The following ANKS1A variants were observed in gnomAD, a reference collection of about 807,000 sequenced individuals.
ANKS1A encodes the protein ankyrin repeat and sterile alpha motif domain containing 1A.
Under a neutral mutation model 120.3 loss-of-function variants are expected in ANKS1A, and 55 were observed. The ratio of observed to expected loss-of-function variants is 0.46; its 90% CI spans 0.37 to 0.57. The LOEUF (loss-of-function observed/expected upper bound fraction) is 0.57. Ranked by LOEUF, ANKS1A falls within the 20% of genes least tolerant of loss-of-function variation. ANKS1A has a pLI of 0.00. For synonymous variants in ANKS1A, 590 were observed against 604.7 expected (o/e 0.98, Z 0.36); for missense variants, 1,123 against 1,480.3 (o/e 0.76, Z 3.96).
chr6:35,083,753 G>T (rs949757856), intron 20 of ANKS1A, among the ~76,000 whole-genome samples: 1 of 152,112 alleles, frequency 6.6e-6, no homozygotes, highest in Non-Finnish European at 1.5e-5. Context: ...TCCACTGGCC[G>T]CACACCTGCT....
intron 1 of ANKS1A, among the ~76,000 whole-genome samples, chr6:34,917,596 G>A (rs1230415139): frequency 1.3e-5 from 2 of 152,216 alleles, no homozygotes; most frequent in East Asian, 1.9e-4. Context: ...ATGATGTGCT[G>A]TGGGAAAAGA....
intron 3 of ANKS1A, among the ~76,000 whole-genome samples, chr6:34,974,944 C>T (rs1221490021): frequency 6.6e-6 from 1 of 152,108 alleles, no homozygotes; most frequent in Non-Finnish European, 1.5e-5. Flanking sequence ...GGGGAGGAAA[C>T]TTGAAGTGAT....
intron 8 of ANKS1A, among the ~76,000 whole-genome samples, chr6:34,988,908 A>G (rs1445085524): frequency 6.6e-6 from 1 of 152,216 alleles, no homozygotes; most frequent in Admixed American, 6.5e-5. Context: ...AGTTTTATGT[A>G]TCAGTATTAT....
Position 35,081,096 on chromosome 6 carries a change from A to G in ANKS1A, c.2647A>G (p.Arg883Gly). 1.2e-6 allele frequency: 2 copies of G among 1,613,768 alleles called. No individual in the cohort carries two copies. Among genetic ancestry groups the G allele is most frequent in the Non-Finnish European group, 1.7e-6 (2 of 1,179,952 alleles). Residue 883 changes from arginine to glycine, a missense_variant, in exon 17 of 24, where the codon AGG (arginine) becomes GGG (glycine). By Grantham distance (125) the Arg-to-Gly change is moderately radical. Coordinates refer to ENST00000360359, the MANE Select transcript of ANKS1A (RefSeq NM_015245.3). ...GCTGCCTCCAGGGGACACAGGCAGG[A>G]GGCGCCATGACAGTCTCCATGACCC... ...LLLPPGDTGR[R>G]RHDSLHDPAA...
Position 34,894,446 on chromosome 6 carries a change from G to C in ANKS1A, c.197+4847G>C, listed in dbSNP as rs531594980. On this transcript the variant is annotated intron_variant, in intron 1 of 23. Transcript: ENST00000360359. ...GCAGCTGGATCACTTGAGCCCAGGA[G>C]TTTGAAACCAGCCTGGGCAACATGC... 6.6e-5 allele frequency among the ~76,000 whole-genome samples: 10 copies of C among 152,306 alleles called. No homozygotes were observed. The South Asian group carries it at 2.1e-3, about 32-fold the overall frequency.
chr6:35,054,870 C>T (rs1405349390), intron 12 of ANKS1A, among the ~76,000 whole-genome samples: 1 of 152,216 alleles, frequency 6.6e-6, no homozygotes, highest in Non-Finnish European at 1.5e-5. Flanking sequence ...GCAGATCTCA[C>T]ACCTCTCCCC....
At chr6:35,027,059 T>G (rs909741010) in intron 11 of ANKS1A, among the ~76,000 whole-genome samples, 8 of 152,164 alleles carry the variant, frequency 5.3e-5, no homozygotes, top group African/African-American at 1.9e-4. Flanking sequence ...TTCCATAAGC[T>G]CATTGCATAC....
At chr6:35,083,368 C>T in intron 19 of ANKS1A, 49 bp from the exon 20 acceptor site, 2 of 1,603,576 alleles carry the variant, frequency 1.2e-6, no homozygotes, top group Non-Finnish European at 1.7e-6. Context: ...GCCCAGGAGG[C>T]TTAGCCCTGA....
At chr6:34,951,994 T>C (rs1290997777) in intron 1 of ANKS1A, among the ~76,000 whole-genome samples, 2 of 152,044 alleles carry the variant, frequency 1.3e-5, no homozygotes, top group African/African-American at 4.8e-5. Context: ...TGAAAGAATA[T>C]GAGCTGTGGA....
chr6:35,092,462 A>C (rs1778338380), downstream of ANKS1A, among the ~76,000 whole-genome samples: 1 of 152,204 alleles, frequency 6.6e-6, no homozygotes, highest in Non-Finnish European at 1.5e-5. Context: ...AATGGCAGAG[A>C]GCCAAATCCC....
At chr6:35,035,302 G>A (rs1017252461) in intron 11 of ANKS1A, among the ~76,000 whole-genome samples, 15 of 152,190 alleles carry the variant, frequency 9.9e-5, no homozygotes, top group Admixed American at 2.6e-4. Context: ...CTTAAGAGCA[G>A]CCATCTGGTT....
chr6:34,910,011 G>A (rs563464244), intron 1 of ANKS1A, among the ~76,000 whole-genome samples: 18 of 152,276 alleles, frequency 1.2e-4, no homozygotes, highest in African/African-American at 4.1e-4. Flanking sequence ...GAGGTGAGAT[G>A]CCCATGTAAA....
rs1273791855 is a variant in ANKS1A, at chr6:35,082,574, C to T, written c.2710-117C>T. On this transcript the variant is annotated intron_variant, in intron 17 of 23. Transcript: ENST00000360359. The surrounding 1 kb of genome is among the most constrained non-coding windows in gnomAD (Gnocchi z 4.1). Reference sequence around the variant, plus strand: ...TCTGCCCCCTGCCATCTCCACTCGACCCTTGAACTTGCTAAGGTCACTGGC... The same window carrying T: ...TCTGCCCCCTGCCATCTCCACTCGATCCTTGAACTTGCTAAGGTCACTGGC... The T allele has an allele frequency of 7.4e-7, 1 of 1,357,734 alleles. No individual in the cohort carries two copies. The highest frequency in any genetic ancestry group is 1.5e-5 in the African/African-American group (1 of 67,808). 84.1% of individuals were successfully genotyped at this position (1,357,734 alleles called of 1,614,324 possible).
At chr6:35,052,094 C>T (rs1775996975) in intron 11 of ANKS1A, among the ~76,000 whole-genome samples, 1 of 152,066 alleles carries the variant, frequency 6.6e-6, no homozygotes, top group Non-Finnish European at 1.5e-5. Flanking sequence ...GCAGGAAGAT[C>T]ACTTGAGCCC....
In ANKS1A at chr6:35,042,662, A is replaced by G. The variant is rs189748313; in HGVS notation, c.2011-11437A>G. 6.0e-4 allele frequency among the ~76,000 whole-genome samples: 91 copies of G among 152,314 alleles called. 1 individual carries two copies. Among genetic ancestry groups the G allele is most frequent in the African/African-American group, 2.1e-3 (87 of 41,570 alleles). On this transcript the variant is annotated intron_variant, in intron 11 of 23. Coordinates refer to ENST00000360359, the MANE Select transcript of ANKS1A (RefSeq NM_015245.3). ...TTCTAAAGCAGAAACCCTAGATGCA[A>G]TCAGTCCACAAAGGGTGCCGGCAGG... is the stretch of plus-strand genomic sequence containing the variant.
At chr6:35,076,925 T>A (rs1047396247) in intron 13 of ANKS1A, among the ~76,000 whole-genome samples, 1 of 152,136 alleles carries the variant, frequency 6.6e-6, no homozygotes, top group East Asian at 1.9e-4. Flanking sequence ...CCACCGCGCC[T>A]GGCCACAATA....
chr6:34,908,834 C>A (rs1767766632), intron 1 of ANKS1A, among the ~76,000 whole-genome samples: 1 of 151,936 alleles, frequency 6.6e-6, no homozygotes, highest in Non-Finnish European at 1.5e-5. Flanking sequence ...GACTTCCAAG[C>A]CTCATCTTTT....
chr6:35,071,000 GC>G, intron 13 of ANKS1A: 4 of 531,576 alleles, frequency 7.5e-6, no homozygotes, highest in Non-Finnish European at 1.4e-5. Flanking sequence ...ACAGAGGCCT[GC>G]CCATTCCCCT....
intron 10 of ANKS1A, among the ~76,000 whole-genome samples, chr6:35,009,402 C>T (rs886066878): frequency 1.8e-4 from 27 of 152,178 alleles, no homozygotes; most frequent in African/African-American, 6.5e-4. Flanking sequence ...GTACAACTAA[C>T]AGAAATAGAG....
Sources: gnomAD v4.1 joint callset for allele counts (sites outside exome capture counted in the v4.1 genomes callset) on GRCh38, gnomAD v4.1.1 for gene constraint, Gnocchi (gnomAD v3.1) non-coding constraint, MANE v1.5 for transcripts, NCBI Gene and HGNC (gene_info 2026-07-23, HGNC 2026-07-21) for gene names.